The following TMPRSS12 variants were observed in gnomAD, a reference collection of about 807,000 sequenced individuals.
TMPRSS12 encodes the protein transmembrane protease serine 12.
A neutral mutation model predicts 26.0 loss-of-function variants in TMPRSS12; 25 were observed. The observed-to-expected ratio is 0.96, with a 90% CI of 0.70 to 1.34. The LOEUF is 1.34. TMPRSS12 is among the 40% of genes most tolerant of loss of function. TMPRSS12 has a pLI of 0.00. For missense variants in TMPRSS12, 441 were observed against 440.1 expected (o/e 1.00, Z -0.02); for synonymous variants, 150 against 161.7 (o/e 0.93, Z 0.55).
At chr12:50,846,936 G>T (rs1045244298) in intron 2 of TMPRSS12, among the ~76,000 whole-genome samples, 2 of 150,874 alleles carry the variant, frequency 1.3e-5, no homozygotes, top group Non-Finnish European at 2.9e-5. Context: ...TATTTTTCAA[G>T]ATTATTTTAG....
At chr12:50,878,997 C>G (rs968472810) in intron 3 of TMPRSS12, among the ~76,000 whole-genome samples, 3 of 152,210 alleles carry the variant, frequency 2.0e-5, no homozygotes, top group African/African-American at 7.2e-5. Flanking sequence ...AACTTATGAA[C>G]CAGAAAATGG....
At chr12:50,851,170 C>T (rs1937823149) in intron 2 of TMPRSS12, among the ~76,000 whole-genome samples, 1 of 152,306 alleles carries the variant, frequency 6.6e-6, no homozygotes, top group Admixed American at 6.5e-5. Context: ...CTCCAAATGA[C>T]TACAATAGCT....
chr12:50,861,504 T>C (rs996051640), intron 3 of TMPRSS12, among the ~76,000 whole-genome samples: 6 of 151,712 alleles, frequency 4.0e-5, no homozygotes, highest in African/African-American at 1.5e-4. Context: ...CCCAGCCTGC[T>C]GCTCTGTGCT....
chr12:50,879,898 G>A (rs955060809), intron 3 of TMPRSS12, among the ~76,000 whole-genome samples: 1 of 152,066 alleles, frequency 6.6e-6, no homozygotes, highest in Non-Finnish European at 1.5e-5. Context: ...TGAGGCCCAC[G>A]AGGTTGAGAC....
chr12:50,875,425 G>A (rs1938103580), intron 3 of TMPRSS12, among the ~76,000 whole-genome samples: 1 of 143,856 alleles, frequency 7.0e-6, no homozygotes, highest in African/African-American at 2.6e-5. Context: ...TGGAAGGGGA[G>A]GTTGCAGTGA....
chr12:50,880,923 T>A (rs1938156853), intron 3 of TMPRSS12, among the ~76,000 whole-genome samples: 1 of 150,166 alleles, frequency 6.7e-6, no homozygotes, highest in Non-Finnish European at 1.5e-5. Flanking sequence ...TTATATAAAA[T>A]TTCAAGAAAA....
At chr12:50,879,441 C>T (rs1938144013) in intron 3 of TMPRSS12, among the ~76,000 whole-genome samples, 1 of 152,168 alleles carries the variant, frequency 6.6e-6, no homozygotes, top group African/African-American at 2.4e-5. Context: ...GGCTTTTTGC[C>T]AGGAATGTAA....
At chr12:50,875,774 A>G (rs1422395302) in intron 3 of TMPRSS12, among the ~76,000 whole-genome samples, 3 of 152,190 alleles carry the variant, frequency 2.0e-5, no homozygotes, top group Admixed American at 6.5e-5. Context: ...AAAGATTTAA[A>G]TGTAAGAGCT....
chr12:50,859,188 A>T lies in TMPRSS12; in HGVS notation c.652+135A>T, dbSNP rs1000476840. The T allele has an allele frequency of 1.3e-5, 10 of 782,980 alleles. No individual in the cohort carries two copies. The East Asian group carries it at 2.9e-4, about 23-fold the overall frequency. The allele number at this position is 782,980 out of a possible 1,614,324, so 48.5% of individuals were successfully genotyped here. On this transcript the variant is annotated intron_variant, in intron 3 of 4. Transcript: ENST00000398458. ...CAGACCACACACACGATGGTGGTCT[A>T]TAAGATTATTTTTCCGTATTTTTAT...
intron 2 of TMPRSS12, among the ~76,000 whole-genome samples, chr12:50,857,965 A>AC (rs1937897248): frequency 6.6e-6 from 1 of 152,040 alleles, no homozygotes; most frequent in South Asian, 2.1e-4. Context: ...AGTAGCTGGA[A>AC]CTACAGGTGT....
At chr12:50,859,092 G>C in intron 3 of TMPRSS12, 39 bp downstream of exon 3, 1 of 1,505,144 alleles carries the variant, frequency 6.6e-7, no homozygotes, top group Non-Finnish European at 8.8e-7. Context: ...ACATTTTCCT[G>C]ATTATGGGCA....
At chr12:50,846,334 G>C (rs1370413159) in intron 2 of TMPRSS12, among the ~76,000 whole-genome samples, 1 of 152,054 alleles carries the variant, frequency 6.6e-6, no homozygotes, top group Admixed American at 6.6e-5. Flanking sequence ...TCAGGTAAGG[G>C]TACAATTTCA....
At chr12:50,882,010 T>A (rs1461191993) in intron 3 of TMPRSS12, among the ~76,000 whole-genome samples, 1 of 24,944 alleles carries the variant, frequency 4.0e-5, no homozygotes, top group Non-Finnish European at 6.8e-5. Context: ...TATATATATA[T>A]ATATATATAT....
chr12:50,864,237 C>G (rs1472983708), intron 3 of TMPRSS12, among the ~76,000 whole-genome samples: 1 of 152,150 alleles, frequency 6.6e-6, no homozygotes, highest in East Asian at 1.9e-4. Flanking sequence ...AAGATTTGAT[C>G]CTGACAACAT....
At chr12:50,855,224 A>G (rs1096035) in intron 2 of TMPRSS12, among the ~76,000 whole-genome samples, 147,847 of 152,278 alleles carry the variant, frequency 0.97, 71,949 homozygotes, top group East Asian at 1. Flanking sequence ...TGACAAGTGG[A>G]ACCTAATAAA....
chr12:50,845,241 C>G (rs1222431384), intron 2 of TMPRSS12, among the ~76,000 whole-genome samples: 1 of 152,172 alleles, frequency 6.6e-6, no homozygotes, highest in Non-Finnish European at 1.5e-5. Context: ...TCTCAGTTCC[C>G]ATCCTTTTTG....
intron 2 of TMPRSS12, among the ~76,000 whole-genome samples, chr12:50,849,522 C>A (rs903333802): frequency 1.0e-4 from 8 of 78,622 alleles, no homozygotes; most frequent in Non-Finnish European, 2.3e-4. Context: ...CCTCTCATGA[C>A]CCTTTGTAGC....
At chr12:50,870,800 T>A (rs1176480938) in intron 3 of TMPRSS12, among the ~76,000 whole-genome samples, 3 of 150,218 alleles carry the variant, frequency 2.0e-5, no homozygotes, top group Non-Finnish European at 4.4e-5. Context: ...CTCTCCTATA[T>A]ACTAACAGCA....
At chr12:50,878,255 A>G (rs963868167) in intron 3 of TMPRSS12, among the ~76,000 whole-genome samples, 1 of 152,102 alleles carries the variant, frequency 6.6e-6, no homozygotes, top group Non-Finnish European at 1.5e-5. Context: ...ACGTATTATA[A>G]AACCACAGCA....
Sources: allele counts gnomAD v4.1 joint callset (sites outside exome capture counted in the v4.1 genomes callset), GRCh38; gene constraint gnomAD v4.1.1; transcripts MANE v1.5; gene names NCBI Gene and HGNC (gene_info 2026-07-23, HGNC 2026-07-21).